FRMD6: variants seen among roughly 807,000 people sequenced by gnomAD.
FRMD6 encodes the protein FERM domain containing 6.
A neutral mutation model predicts 73.2 loss-of-function variants in FRMD6; 37 were observed. The ratio of observed to expected loss-of-function variants is 0.51; its 90% CI spans 0.39 to 0.66. FRMD6 has a LOEUF of 0.66. Among genes scored for constraint, FRMD6 ranks in the 30% least tolerant of loss-of-function variants. FRMD6 has a pLI of 0.00. For synonymous variants in FRMD6, 273 were observed against 282.2 expected (o/e 0.97, Z 0.33); for missense variants, 714 against 780.5 (o/e 0.91, Z 1.02).
chr14:51,539,134 G>T (rs1173543725), intron 1 of FRMD6, among the ~76,000 whole-genome samples: 1 of 151,936 alleles, frequency 6.6e-6, no homozygotes, highest in Non-Finnish European at 1.5e-5. Context: ...CACCGTTTTT[G>T]ACCTTTTTTC....
At chr14:51,455,461 T>C in the FRMD6 span, among the ~76,000 whole-genome samples, 6 of 152,262 alleles carry the variant, frequency 3.9e-5, no homozygotes, top group Non-Finnish European at 7.3e-5. Flanking sequence ...CCTTGGATAC[T>C]GTATTTATGG....
At chr14:51,453,296 C>G in the FRMD6 span, among the ~76,000 whole-genome samples, 9 of 151,898 alleles carry the variant, frequency 5.9e-5, no homozygotes, top group Non-Finnish European at 1.2e-4. Context: ...AGGGAGGATC[C>G]AACATACTCT....
chr14:51,699,253 T>A (rs988037846), intron 3 of FRMD6, among the ~76,000 whole-genome samples: 3 of 152,130 alleles, frequency 2.0e-5, no homozygotes, highest in Non-Finnish European at 4.4e-5. Flanking sequence ...CTTCAGTTTC[T>A]TCCTGTGGTA....
chr14:51,648,727 T>C (rs1232853886), upstream of FRMD6, among the ~76,000 whole-genome samples: 2 of 152,232 alleles, frequency 1.3e-5, no homozygotes. Context: ...CCTAATCTAC[T>C]ATAAGATTAA....
At chr14:51,454,190 C>A in the FRMD6 span, among the ~76,000 whole-genome samples, 1 of 152,208 alleles carries the variant, frequency 6.6e-6, no homozygotes, top group African/African-American at 2.4e-5. Context: ...TTTTGGTCAA[C>A]AACTAGGAGC....
chr14:51,536,624 C>T (rs911929593), intron 1 of FRMD6, among the ~76,000 whole-genome samples: 3 of 151,986 alleles, frequency 2.0e-5, no homozygotes, highest in Non-Finnish European at 2.9e-5. Context: ...ACCATGTTGG[C>T]CAGGCTGGTC....
chr14:51,680,027 C>T (rs931758519), intron 1 of FRMD6, among the ~76,000 whole-genome samples: 9 of 152,152 alleles, frequency 5.9e-5, no homozygotes, highest in African/African-American at 9.7e-5. Flanking sequence ...CTAGAGAAGG[C>T]GATTCATTGG....
chr14:51,442,441 T>G, the FRMD6 span, among the ~76,000 whole-genome samples: 1 of 152,206 alleles, frequency 6.6e-6, no homozygotes, highest in Non-Finnish European at 1.5e-5. Flanking sequence ...TGCCCAGTGA[T>G]AGTGCTAATT....
chr14:51,633,588 A>G (rs996120273), intron 2 of FRMD6, among the ~76,000 whole-genome samples: 6 of 116,930 alleles, frequency 5.1e-5, no homozygotes, highest in Admixed American at 1.9e-4. Context: ...GCAACAGAAC[A>G]AGACCCTGTC....
At chr14:51,514,140 C>G (rs1884485771) in intron 1 of FRMD6, among the ~76,000 whole-genome samples, 1 of 152,188 alleles carries the variant, frequency 6.6e-6, no homozygotes, top group Admixed American at 6.5e-5. Flanking sequence ...ATGACTCTTC[C>G]TGCCCATTTG....
intron 1 of FRMD6, among the ~76,000 whole-genome samples, chr14:51,513,985 T>G (rs1297638929): frequency 1.3e-5 from 2 of 152,238 alleles, no homozygotes; most frequent in Non-Finnish European, 2.9e-5. Context: ...TTTGTGAACA[T>G]GAGAAGAATA....
At position 51,702,534 on chromosome 14, in the gene FRMD6, C is replaced by T. The variant is rs1896385834; in HGVS notation, c.317C>T (p.Pro106Leu). 7 of 1,611,872 alleles carry T rather than the reference C, an allele frequency of 4.3e-6. No homozygotes were observed. Among genetic ancestry groups the T allele is most frequent in the Non-Finnish European group, 5.9e-6 (7 of 1,178,406 alleles). ...VTWGIDQFGP[P>L]MIIHFRVQYY... ...TAGGGTATCGACCAATTTGGGCCTC[C>T]TATGATCATCCACTTCCGTGTGCAG... The change falls in exon 5 of 14, where the codon CCT becomes CTT. Residue 106 changes from proline to leucine, a missense_variant. Physicochemically the swap from Pro to Leu is moderately conservative, Grantham distance 98. Coordinates refer to ENST00000344768, the MANE Select transcript of FRMD6 (RefSeq NM_001267046.2).
rs535994240 is a variant in FRMD6 at position 51,551,504 on chromosome 14, G to A, written c.-209-18844G>A. The stretch of plus-strand genomic sequence containing the variant: ...AATCTTAGCACTTCGGGAGACCAAG[G>A]TGGTCAGATTGCTTGAGCTCAGGAG... On this transcript the variant is annotated intron_variant, in intron 1 of 14. Transcript: ENST00000356218. Among the ~76,000 whole-genome samples, 13 of 152,276 alleles carry A rather than the reference G, an allele frequency of 8.5e-5. No homozygotes were observed. In the East Asian group the frequency reaches 2.3e-3, roughly 27 times the overall value.
At chr14:51,436,666 T>G in the FRMD6 span, 1 of 532,964 alleles carries the variant, frequency 1.9e-6, no homozygotes, top group Admixed American at 2.6e-5. Flanking sequence ...ACCATTCTGA[T>G]GTAGGGGCTA....
intron 1 of FRMD6, among the ~76,000 whole-genome samples, chr14:51,498,072 C>T (rs768152969): frequency 3.9e-5 from 6 of 152,234 alleles, no homozygotes; most frequent in Non-Finnish European, 8.8e-5. Context: ...GGGACCTGCT[C>T]ATTTCCTCTA....
At chr14:51,551,233 G>A (rs1886812602) in intron 1 of FRMD6, among the ~76,000 whole-genome samples, 1 of 151,996 alleles carries the variant, frequency 6.6e-6, no homozygotes, top group African/African-American at 2.4e-5. Context: ...TTTATTCTTG[G>A]GGCACTTCCT....
chr14:51,689,630 A>G, intron 1 of FRMD6, 61 bp from the exon 2 acceptor site: 2 of 572,472 alleles, frequency 3.5e-6, no homozygotes, highest in South Asian at 4.4e-5. Flanking sequence ...TATCTTCCTG[A>G]CGCGCTCTTC....
the FRMD6 span, among the ~76,000 whole-genome samples, chr14:51,464,655 G>A: frequency 2.0e-5 from 3 of 152,300 alleles, no homozygotes; most frequent in East Asian, 5.8e-4. Flanking sequence ...CCATAATAGT[G>A]AAAGATGGAT....
intron 1 of FRMD6, among the ~76,000 whole-genome samples, chr14:51,492,480 T>C (rs1276583617): frequency 6.6e-6 from 1 of 152,132 alleles, no homozygotes. Context: ...ATTGGATGAC[T>C]CTGGTTAACT....
Sources: allele counts gnomAD v4.1 joint callset (sites outside exome capture counted in the v4.1 genomes callset), GRCh38; gene constraint gnomAD v4.1.1; transcripts MANE v1.5; gene names NCBI Gene and HGNC (gene_info 2026-07-23, HGNC 2026-07-21).